Variants in YEATS2 observed in about 807,000 individuals in gnomAD.
YEATS2 encodes YEATS domain containing 2.
Under a neutral mutation model 163.2 loss-of-function variants are expected in YEATS2, and 77 were observed. The ratio of observed to expected loss-of-function variants is 0.47; its 90% CI spans 0.39 to 0.57. The LOEUF (loss-of-function observed/expected upper bound fraction) is 0.57. Among genes scored for constraint, YEATS2 ranks in the 20% least tolerant of loss-of-function variants. The pLI, the probability that YEATS2 is intolerant of heterozygous loss-of-function variation, is 0.00. For missense variants in YEATS2, 1,549 were observed against 1,729.8 expected (o/e 0.90, Z 1.85); for synonymous variants, 631 against 645.1 (o/e 0.98, Z 0.33).
intron 7 of YEATS2, among the ~76,000 whole-genome samples, chr3:183,729,258 C>T (rs535941081): frequency 7.9e-4 from 117 of 148,502 alleles, no homozygotes; most frequent in African/African-American, 2.7e-3. Context: ...GGCGACAGAG[C>T]GAGACTCTGT....
intron 1 of YEATS2, among the ~76,000 whole-genome samples, chr3:183,712,959 C>G (rs1283705972): frequency 6.6e-6 from 1 of 151,920 alleles, no homozygotes; most frequent in Non-Finnish European, 1.5e-5. Context: ...CGGGGTTTCA[C>G]CATGTTGGCC....
At chr3:183,717,848 T>A in intron 3 of YEATS2, 100 bp downstream of exon 3, 1 of 538,600 alleles carries the variant, frequency 1.9e-6, no homozygotes, top group Non-Finnish European at 2.8e-6. Flanking sequence ...GTTTGCTTTA[T>A]CCTCCTCTTT....
At chr3:183,701,051 A>ATG (rs141939254) in intron 1 of YEATS2, among the ~76,000 whole-genome samples, 25,186 of 147,438 alleles carry the variant, frequency 0.17, 2,376 homozygotes, top group East Asian at 0.32. Context: ...GTATATATAT[A>ATG]TGTGTGTGTG....
At chr3:183,742,895 A>G (rs1469897850) in intron 8 of YEATS2, among the ~76,000 whole-genome samples, 1 of 152,254 alleles carries the variant, frequency 6.6e-6, no homozygotes, top group Admixed American at 6.5e-5. Flanking sequence ...CATCAGCATC[A>G]AGGCAAGACC....
chr3:183,722,890 G>A (rs998255386), intron 5 of YEATS2, among the ~76,000 whole-genome samples: 9 of 152,012 alleles, frequency 5.9e-5, no homozygotes, highest in Admixed American at 4.6e-4. Context: ...CTGACTTCAT[G>A]ATCTGCCTGC....
chr3:183,731,297 CAAAAAAAA>C (rs63002261), intron 7 of YEATS2, among the ~76,000 whole-genome samples: 3 of 122,878 alleles, frequency 2.4e-5, no homozygotes, highest in Non-Finnish European at 3.4e-5. Flanking sequence ...GAGTCTGTCT[CAAAAAAAA>C]AAAAAAAAAA....
At position 183,804,034 on chromosome 3, in the gene YEATS2, G is replaced by A. The variant is rs1456770569; in HGVS notation, c.3630G>A (p.Glu1210=). 3 of 1,614,126 alleles carry A rather than the reference G, an allele frequency of 1.9e-6. No individual in the cohort carries two copies. The highest frequency in any genetic ancestry group is 3.3e-5 in the Admixed American group (2 of 60,010). ...GAAAAGTCTTACAAGAAATCCTGGA[G>A]AAGAATCCGAGATTTCACCACCTGA... ...TMRKVLQEIL[E]KNPRFHHLTP... is the part of the protein sequence containing the mutation. The change falls in exon 27 of 31, where the codon GAG becomes GAA. Residue 1210 remains glutamate, a synonymous_variant. Coordinates refer to ENST00000305135, the MANE Select transcript of YEATS2 (RefSeq NM_018023.5).
chr3:183,791,550 G>A (rs1029648102), intron 21 of YEATS2, among the ~76,000 whole-genome samples: 1 of 152,148 alleles, frequency 6.6e-6, no homozygotes, highest in Non-Finnish European at 1.5e-5. Context: ...ACCCTACTGG[G>A]TATTTTAGCT....
In YEATS2 at chr3:183,742,556, T is replaced by G. The variant is rs189248062; in HGVS notation, c.925-5116T>G. On this transcript the variant is annotated intron_variant, in intron 8 of 30. Coordinates refer to ENST00000305135, the MANE Select transcript of YEATS2 (RefSeq NM_018023.5). Reference sequence around the variant, plus strand: ...ATTGCTGCAGTTTTATGATTAAACCTTAATGCATGAGGATTTGCTTCTTAC... The same window carrying G: ...ATTGCTGCAGTTTTATGATTAAACCGTAATGCATGAGGATTTGCTTCTTAC... Among the ~76,000 whole-genome samples the G allele has an allele frequency of 6.1e-4, 93 of 152,334 alleles. No individual in the cohort carries two copies. The Middle Eastern group carries it at 0.01, about 17-fold the overall frequency.
chr3:183,753,135 GTAT>G (rs1269907659), intron 10 of YEATS2, among the ~76,000 whole-genome samples: 3 of 152,042 alleles, frequency 2.0e-5, no homozygotes, highest in East Asian at 1.9e-4. Flanking sequence ...TCCTTATAAT[GTAT>G]TACAGGAAGA....
intron 5 of YEATS2, among the ~76,000 whole-genome samples, chr3:183,723,444 C>A (rs935523919): frequency 1.3e-5 from 2 of 152,040 alleles, no homozygotes; most frequent in East Asian, 1.9e-4. Context: ...ATTATAAATT[C>A]ATATGTGTTC....
Position 183,717,722 on chromosome 3 carries a change from G to A in YEATS2, c.172G>A (p.Glu58Lys). The change falls in exon 3 of 31, where the codon GAA becomes AAA. Residue 58 changes from glutamate (E) to lysine (K), a missense_variant. Physicochemically the swap from Glu to Lys is moderately conservative, Grantham distance 56. Transcript: ENST00000305135. ...GTTTGCTCTTGAAATGAAGAATAAG[G>A]AACATGAAATTGAAGTCATTGACCA... ...EQFALEMKNK[E>K]HEIEVIDQRL... 6.4e-7 allele frequency: 1 copy of A among 1,558,274 alleles called. No individual in the cohort carries two copies. Among genetic ancestry groups the A allele is most frequent in the East Asian group, 2.4e-5 (1 of 41,090 alleles).
chr3:183,724,357 G>T, intron 5 of YEATS2, 62 bp from the exon 6 acceptor site: 2 of 1,216,306 alleles, frequency 1.6e-6, no homozygotes, highest in South Asian at 1.4e-5. Context: ...ACAATTTTGT[G>T]GTTTCTGTCC....
At position 183,801,456 on chromosome 3, in the gene YEATS2, A is replaced by G. The variant is rs755004298; in HGVS notation, c.3430A>G (p.Ile1144Val). The G allele has an allele frequency of 8.7e-6, 14 of 1,607,954 alleles. No individual in the cohort carries two copies. The highest frequency in any genetic ancestry group is 7.8e-5 in the South Asian group (7 of 89,832). Residue 1144 changes from isoleucine (I) to valine (V), a missense_variant and splice_region_variant, in exon 25 of 31, where the codon ATA becomes GTA. Physicochemically the swap from Ile to Val is conservative, Grantham distance 29 (BLOSUM62 3). Transcript: ENST00000305135. ...SSELGNYVIKIDHLETIQQLL... is the reference protein window; with the variant it reads ...SSELGNYVIKVDHLETIQQLL... ...TTAATTTTTTTTTATCTCTCTCAGG[A>G]TAGACCATTTAGAAACTATCCAGCA...
chr3:183,721,998 A>T lies in YEATS2; in HGVS notation c.399A>T (p.Pro133=). ...SSPANQRAET[P]SANHSESDSL... ...CTGCCAATCAGAGAGCAGAAACACC[A>T]TCAGCCAATCATTCAGAAAGTGATT... The change falls in exon 5 of 31, where the codon CCA becomes CCT. Residue 133 remains proline, a synonymous_variant. Transcript: ENST00000305135. The T allele has an allele frequency of 6.2e-7, 1 of 1,614,198 alleles. No homozygotes were observed. Among genetic ancestry groups the T allele is most frequent in the Non-Finnish European group, 8.5e-7 (1 of 1,180,034 alleles).
chr3:183,741,797 G>A (rs575159819), intron 8 of YEATS2, among the ~76,000 whole-genome samples: 1 of 152,002 alleles, frequency 6.6e-6, no homozygotes, highest in African/African-American at 2.4e-5. Context: ...AAAAAAAAGA[G>A]CTTTGATGGA....
chr3:183,731,434 A>G (rs1717771137), intron 7 of YEATS2, among the ~76,000 whole-genome samples: 1 of 152,208 alleles, frequency 6.6e-6, no homozygotes, highest in African/African-American at 2.4e-5. Flanking sequence ...TGGGATTAAA[A>G]ACTAATTACA....
intron 29 of YEATS2, 52 bp downstream of exon 29, chr3:183,808,156 G>A: frequency 2.7e-6 from 4 of 1,482,992 alleles, no homozygotes; most frequent in Non-Finnish European, 3.7e-6. Flanking sequence ...ATCCCAGGCG[G>A]TTTGGAGTAA....
Position 183,799,008 on chromosome 3 carries a change from A to G in YEATS2, c.3325+19A>G. Reference sequence around the variant, plus strand: ...GCAAAAGGTACGTAGGATCTCACAGAGTTCTCGTCCAGAAGTTTTGTTACT... The same window carrying G: ...GCAAAAGGTACGTAGGATCTCACAGGGTTCTCGTCCAGAAGTTTTGTTACT... On this transcript the variant is annotated intron_variant, in intron 23 of 30. Transcript: ENST00000305135. 6.3e-7 allele frequency: 1 copy of G among 1,590,280 alleles called. No individual in the cohort carries two copies. Among genetic ancestry groups the G allele is most frequent in the Non-Finnish European group, 8.6e-7 (1 of 1,158,262 alleles).
Sources: allele counts gnomAD v4.1 joint callset (sites outside exome capture counted in the v4.1 genomes callset), GRCh38; gene constraint gnomAD v4.1.1; transcripts MANE v1.5; gene names NCBI Gene and HGNC (gene_info 2026-07-23, HGNC 2026-07-21).